ERBB4: variants seen among roughly 807,000 people sequenced by gnomAD.
ERBB4 encodes receptor tyrosine-protein kinase erbB-4.
A neutral mutation model predicts 158.0 loss-of-function variants in ERBB4; 42 were observed. The ratio of observed to expected loss-of-function variants is 0.27; its 90% CI spans 0.21 to 0.34. The LOEUF (loss-of-function observed/expected upper bound fraction) is 0.34, where lower values mean the gene tolerates loss of function less well. ERBB4 is among the 10% of genes least tolerant of loss of function. The probability of loss-of-function intolerance (pLI) is 1.00; values close to 1 mark genes in which losing one functional copy is unlikely to be tolerated. For missense variants in ERBB4, 1,333 were observed against 1,624.1 expected, an observed-to-expected ratio of 0.82 and a Z score of 3.08; for synonymous variants, 583 against 558.7, an observed-to-expected ratio of 1.04 and a Z score of -0.61.
chr2:211,716,084 C>T lies in ERBB4; in HGVS notation c.884-2436G>A, dbSNP rs539731595. Among the ~76,000 whole-genome samples the T allele has an allele frequency of 1.4e-4, 21 of 152,250 alleles. No individual in the cohort carries two copies. The East Asian group carries it at 3.1e-3, about 22-fold the overall frequency. ...TGCATTTAGAAGCTGAATGTCCGAC[C>T]GGGCACAGTGGCTCACGCCTGTAAT... On this transcript the variant is annotated intron_variant, in intron 7 of 27. Transcript: ENST00000342788.
At chr2:212,129,412 A>G (rs1050057872) in intron 1 of ERBB4, among the ~76,000 whole-genome samples, 4 of 151,292 alleles carry the variant, frequency 2.6e-5, no homozygotes, top group Admixed American at 2.6e-4. Context: ...AAGGTATACA[A>G]TATTATATCC....
At chr2:212,422,834 A>T (rs1249517454) in intron 1 of ERBB4, among the ~76,000 whole-genome samples, 2 of 152,212 alleles carry the variant, frequency 1.3e-5, no homozygotes, top group Non-Finnish European at 2.9e-5. Flanking sequence ...CATTAAAAAG[A>T]ACCACCTAAG....
chr2:211,733,060 G>A (rs956671882), intron 5 of ERBB4, among the ~76,000 whole-genome samples: 1 of 152,164 alleles, frequency 6.6e-6, no homozygotes, highest in Non-Finnish European at 1.5e-5. Context: ...AATCCCTGGT[G>A]ACCCACGGAC....
At chr2:211,696,309 C>G (rs2073020234) in intron 12 of ERBB4, among the ~76,000 whole-genome samples, 1 of 151,936 alleles carries the variant, frequency 6.6e-6, no homozygotes, top group Admixed American at 6.6e-5. Flanking sequence ...CAGGGTTTCA[C>G]CATATTGGCC....
intron 1 of ERBB4, among the ~76,000 whole-genome samples, chr2:212,345,571 G>C (rs987885139): frequency 6.6e-6 from 1 of 151,914 alleles, no homozygotes; most frequent in African/African-American, 2.4e-5. Context: ...CACTTCTCTC[G>C]GACAATAAGT....
rs1180370468 is a variant in ERBB4 at position 211,375,904 on chromosome 2, A to G, written c.*7711T>C. ...AGGTACAATTCTTTCCCAAGAGCCA[A>G]AAGAGGATCCTTGAGAACTAACGGA... On this transcript the variant is annotated 3_prime_UTR_variant, in exon 28 of 28. Transcript: ENST00000342788. 38 of 232,760 alleles carry G rather than the reference A, an allele frequency of 1.6e-4. 1 individual carries two copies. In the Admixed American group the frequency reaches 2.1e-3, roughly 13 times the overall value. The allele number at this position is 232,760 out of a possible 1,614,324, so 14.4% of individuals were successfully genotyped here.
intron 12 of ERBB4, among the ~76,000 whole-genome samples, chr2:211,701,536 C>G (rs1210020087): frequency 6.6e-6 from 1 of 152,000 alleles, no homozygotes; most frequent in Non-Finnish European, 1.5e-5. Flanking sequence ...GTGGGCGGAT[C>G]ACGAGGTCAG....
intron 19 of ERBB4, among the ~76,000 whole-genome samples, chr2:211,606,234 G>C (rs760744661): frequency 6.6e-6 from 1 of 151,974 alleles, no homozygotes; most frequent in Non-Finnish European, 1.5e-5. Context: ...CCCTGCTAGC[G>C]GAATTATATC....
At chr2:211,945,516 C>T (rs2080664684) in intron 3 of ERBB4, among the ~76,000 whole-genome samples, 1 of 152,042 alleles carries the variant, frequency 6.6e-6, no homozygotes, top group Non-Finnish European at 1.5e-5. Flanking sequence ...TCAACTCATT[C>T]TCTTAATCAC....
chr2:211,798,357 T>C lies in ERBB4; in HGVS notation c.422-10198A>G, dbSNP rs529697649. On this transcript the variant is annotated intron_variant, in intron 3 of 27. Transcript: ENST00000342788. Reference sequence around the variant, plus strand: ...TTCATAGGCTGTTCATTTTTATTGTTCCGTATTATTCCAGTCTGTGAATAT... The same window carrying C: ...TTCATAGGCTGTTCATTTTTATTGTCCCGTATTATTCCAGTCTGTGAATAT... Among the ~76,000 whole-genome samples, 51 of 152,272 alleles carry C rather than the reference T, an allele frequency of 3.3e-4. 1 individual carries two copies. Among genetic ancestry groups the C allele is most frequent in the Middle Eastern group, 3.4e-3 (1 of 294 alleles).
intron 1 of ERBB4, among the ~76,000 whole-genome samples, chr2:212,401,894 T>C (rs897131238): frequency 2.0e-5 from 3 of 152,116 alleles, no homozygotes; most frequent in Non-Finnish European, 2.9e-5. Flanking sequence ...GACAGGGATG[T>C]AGAGTGACTG....
intron 1 of ERBB4, among the ~76,000 whole-genome samples, chr2:212,474,456 G>T (rs1360387770): frequency 6.6e-6 from 1 of 152,078 alleles, no homozygotes; most frequent in East Asian, 1.9e-4. Context: ...TGGCCAGCAT[G>T]GTATGGTATT....
chr2:211,424,102 G>A (rs959675813), intron 23 of ERBB4, 53 bp downstream of exon 23: 5 of 1,519,666 alleles, frequency 3.3e-6, no homozygotes, highest in African/African-American at 1.4e-5. Context: ...AGTAATCTCT[G>A]CTATTACTTT....
chr2:211,411,674 G>C (rs1453146060), intron 25 of ERBB4, among the ~76,000 whole-genome samples: 1 of 152,128 alleles, frequency 6.6e-6, no homozygotes, highest in Non-Finnish European at 1.5e-5. Flanking sequence ...GCAGTGACTG[G>C]TCAACTGGAA....
At chr2:212,040,250 A>G (rs1230759091) in intron 2 of ERBB4, among the ~76,000 whole-genome samples, 4 of 151,978 alleles carry the variant, frequency 2.6e-5, no homozygotes, top group Non-Finnish European at 5.9e-5. Flanking sequence ...AGTTTATATT[A>G]CTGTTTAATT....
At chr2:212,285,991 T>C (rs2085946313) in intron 1 of ERBB4, among the ~76,000 whole-genome samples, 3 of 152,156 alleles carry the variant, frequency 2.0e-5, no homozygotes, top group Admixed American at 2.0e-4. Context: ...TATCTTTCTG[T>C]CCTTTACATA....
chr2:212,512,220 T>C (rs1691562732), intron 1 of ERBB4, among the ~76,000 whole-genome samples: 1 of 152,168 alleles, frequency 6.6e-6, no homozygotes, highest in Non-Finnish European at 1.5e-5. Context: ...ACTACACCTT[T>C]GGAGTCAGGG....
intron 1 of ERBB4, among the ~76,000 whole-genome samples, chr2:212,454,133 GT>G (rs531386466): frequency 6.0e-4 from 91 of 152,096 alleles, no homozygotes; most frequent in African/African-American, 2.1e-3. Flanking sequence ...TAGAGATGGG[GT>G]TTCACTATGT....
At chr2:211,665,615 G>T in intron 14 of ERBB4, 138 bp from the exon 15 acceptor site, 1 of 792,886 alleles carries the variant, frequency 1.3e-6, no homozygotes. Context: ...ATTTTCAGCA[G>T]TGCAAATGTG....
Sources: allele counts gnomAD v4.1 joint callset (sites outside exome capture counted in the v4.1 genomes callset), GRCh38; gene constraint gnomAD v4.1.1; transcripts MANE v1.5; gene names NCBI Gene and HGNC (gene_info 2026-07-23, HGNC 2026-07-21).